CNTN4: variants seen among roughly 807,000 people sequenced by gnomAD.
CNTN4 encodes the protein contactin-4.
In CNTN4, 77 loss-of-function variants were observed where a neutral mutation model predicts 122.5. The ratio of observed to expected loss-of-function variants is 0.63; its 90% CI spans 0.52 to 0.76. The LOEUF (loss-of-function observed/expected upper bound fraction) is 0.76. CNTN4 is among the 30% of genes least tolerant of loss of function. The probability of loss-of-function intolerance (pLI) is 0.00; values close to 1 mark genes in which losing one functional copy is unlikely to be tolerated. For synonymous variants in CNTN4, 512 were observed against 447.0 expected, an observed-to-expected ratio of 1.15 and a Z score of -1.83; for missense variants, 1,256 against 1,259.1, an observed-to-expected ratio of 1.00 and a Z score of 0.04.
At chr3:2,663,062 A>G (rs1375910137) in intron 4 of CNTN4, among the ~76,000 whole-genome samples, 1 of 152,054 alleles carries the variant, frequency 6.6e-6, no homozygotes, top group Non-Finnish European at 1.5e-5. Flanking sequence ...AGATCACGCC[A>G]CTGCACTCCA....
chr3:2,918,809 G>A (rs542212342), intron 12 of CNTN4, among the ~76,000 whole-genome samples: 4 of 152,156 alleles, frequency 2.6e-5, no homozygotes, highest in Non-Finnish European at 4.4e-5. Flanking sequence ...AGGATGTCAT[G>A]TCCTGTACAC....
In CNTN4 at chr3:2,484,537, C is replaced by T. The variant is rs556892831; in HGVS notation, c.-88-86879C>T. 6.6e-5 allele frequency among the ~76,000 whole-genome samples: 10 copies of T among 152,266 alleles called. No homozygotes were observed. The South Asian group carries it at 1.9e-3, about 28-fold the overall frequency. On this transcript the variant is annotated intron_variant, in intron 3 of 24. Coordinates refer to ENST00000418658, the MANE Select transcript of CNTN4 (RefSeq NM_175607.3). Reference sequence around the variant, plus strand: ...ATGGAATTGCTAAAGGAAATACTGGCTCCTATAGGGGATGAGGCTTGTAAA... The same window carrying T: ...ATGGAATTGCTAAAGGAAATACTGGTTCCTATAGGGGATGAGGCTTGTAAA...
intron 3 of CNTN4, among the ~76,000 whole-genome samples, chr3:2,430,278 C>T (rs542245866): frequency 1.0e-3 from 154 of 151,900 alleles, no homozygotes; most frequent in African/African-American, 3.6e-3. Flanking sequence ...AAAAATTAGC[C>T]GGGCGTGGTG....
At chr3:2,967,051 G>T (rs1235615742) in intron 13 of CNTN4, among the ~76,000 whole-genome samples, 1 of 152,170 alleles carries the variant, frequency 6.6e-6, no homozygotes, top group Non-Finnish European at 1.5e-5. Context: ...GGCTATGTAG[G>T]AGACAGGAGT....
At chr3:2,217,244 C>T (rs2038881331) in intron 2 of CNTN4, among the ~76,000 whole-genome samples, 1 of 152,148 alleles carries the variant, frequency 6.6e-6, no homozygotes, top group Admixed American at 6.5e-5. Context: ...ACTTCTGTCT[C>T]TATTTCTAGA....
At chr3:3,043,211 TCC>T in intron 22 of CNTN4, 48 bp downstream of exon 22, 2 of 1,557,578 alleles carry the variant, frequency 1.3e-6, no homozygotes, top group Non-Finnish European at 1.8e-6. Flanking sequence ...ATCACACATA[TCC>T]CAAGTTTATT....
intron 3 of CNTN4, among the ~76,000 whole-genome samples, chr3:2,355,771 C>T (rs1413500715): frequency 6.6e-6 from 1 of 152,132 alleles, no homozygotes; most frequent in African/African-American, 2.4e-5. Context: ...ATCTCCTGCT[C>T]CAAACAGTTT....
intron 13 of CNTN4, among the ~76,000 whole-genome samples, chr3:2,972,973 G>T (rs1029135941): frequency 6.6e-6 from 1 of 151,814 alleles, no homozygotes; most frequent in African/African-American, 2.4e-5. Flanking sequence ...TTAGGAAAAG[G>T]CCCTTGTAGA....
intron 13 of CNTN4, among the ~76,000 whole-genome samples, chr3:2,950,170 G>T (rs1428459379): frequency 6.6e-6 from 1 of 152,222 alleles, no homozygotes; most frequent in African/African-American, 2.4e-5. Flanking sequence ...CCTCCAGAGA[G>T]CCCTGTTTCC....
intron 3 of CNTN4, among the ~76,000 whole-genome samples, chr3:2,441,977 C>T (rs2048458826): frequency 6.6e-6 from 1 of 152,170 alleles, no homozygotes; most frequent in Non-Finnish European, 1.5e-5. Context: ...ATACTTCCTT[C>T]TCATGTCTTG....
At chr3:2,544,177 T>A (rs559697810) in intron 3 of CNTN4, among the ~76,000 whole-genome samples, 1 of 152,282 alleles carries the variant, frequency 6.6e-6, no homozygotes, top group East Asian at 1.9e-4. Flanking sequence ...TATTCATGAT[T>A]GTCCCATGAC....
intron 7 of CNTN4, among the ~76,000 whole-genome samples, chr3:2,830,305 T>A (rs2093075728): frequency 6.6e-6 from 1 of 152,154 alleles, no homozygotes; most frequent in Admixed American, 6.5e-5. Context: ...CCAAAAAAAA[T>A]TAAAAAGATT....
chr3:2,991,808 C>T (rs75913681), intron 14 of CNTN4, among the ~76,000 whole-genome samples: 3,228 of 152,106 alleles, frequency 0.021, 104 homozygotes, highest in African/African-American at 0.072. Flanking sequence ...ACAGCTTAGC[C>T]CGAAATATGA....
At chr3:2,654,345 C>A (rs552110125) in intron 4 of CNTN4, among the ~76,000 whole-genome samples, 1 of 152,232 alleles carries the variant, frequency 6.6e-6, no homozygotes, top group East Asian at 1.9e-4. Context: ...ATCTCAAGGG[C>A]CTAAAAGGGA....
intron 2 of CNTN4, among the ~76,000 whole-genome samples, chr3:2,338,642 T>C (rs1162767688): frequency 6.6e-6 from 1 of 152,022 alleles, no homozygotes; most frequent in African/African-American, 2.4e-5. Flanking sequence ...AATTTAGTTC[T>C]TCAGGGAAAA....
intron 2 of CNTN4, among the ~76,000 whole-genome samples, chr3:2,287,105 G>A (rs2041929767): frequency 6.6e-6 from 1 of 152,144 alleles, no homozygotes; most frequent in Non-Finnish European, 1.5e-5. Context: ...AAGGCTTGTT[G>A]TAGAGATGAT....
intron 3 of CNTN4, among the ~76,000 whole-genome samples, chr3:2,496,304 C>G (rs1225903661): frequency 6.6e-6 from 1 of 151,934 alleles, no homozygotes; most frequent in African/African-American, 2.4e-5. Context: ...TTCATTTTTA[C>G]TGGGGTATTG....
chr3:2,317,209 C>T (rs1465611580), intron 2 of CNTN4, among the ~76,000 whole-genome samples: 2 of 152,130 alleles, frequency 1.3e-5, no homozygotes, highest in Non-Finnish European at 2.9e-5. Flanking sequence ...GAATCTAGAC[C>T]TGATGGATTA....
At chr3:2,425,154 G>A (rs907647689) in intron 3 of CNTN4, among the ~76,000 whole-genome samples, 19 of 152,110 alleles carry the variant, frequency 1.2e-4, no homozygotes, top group African/African-American at 4.6e-4. Flanking sequence ...CCATTCCTAT[G>A]TCCTGAATCG....
Sources: gnomAD v4.1 joint callset for allele counts (sites outside exome capture counted in the v4.1 genomes callset) on GRCh38, gnomAD v4.1.1 for gene constraint, MANE v1.5 for transcripts, NCBI Gene and HGNC (gene_info 2026-07-23, HGNC 2026-07-21) for gene names.